The following SCN7A variants were observed in gnomAD, a reference collection of about 807,000 sequenced individuals.
The protein encoded by SCN7A is sodium voltage-gated channel alpha subunit 7, also known as sodium channel protein type 7 subunit alpha.
In SCN7A, 138 loss-of-function variants were observed where a neutral mutation model predicts 155.2. The ratio of observed to expected loss-of-function variants is 0.89; its 90% CI spans 0.77 to 1.02. SCN7A has a LOEUF of 1.02. Ranked by LOEUF, SCN7A falls within the 50% of genes least tolerant of loss-of-function variation. The pLI is 0.00. For missense variants in SCN7A, 2,058 were observed against 1,986.6 expected (o/e 1.04, Z -0.68); for synonymous variants, 693 against 649.0 (o/e 1.07, Z -1.03).
chr2:166,447,339 C>A (rs1291681308), intron 12 of SCN7A, among the ~76,000 whole-genome samples: 1 of 152,042 alleles, frequency 6.6e-6, no homozygotes, highest in East Asian at 1.9e-4. Context: ...ATGTTATATA[C>A]CACAATCTCT....
chr2:166,430,636 T>C (rs1428750878), intron 16 of SCN7A, among the ~76,000 whole-genome samples: 1 of 151,912 alleles, frequency 6.6e-6, no homozygotes, highest in Non-Finnish European at 1.5e-5. Context: ...TTTATTTTGA[T>C]AAAAGATTAT....
chr2:166,441,796 A>G (rs757547338), intron 14 of SCN7A, 44 bp from the exon 15 acceptor site: 3 of 1,481,452 alleles, frequency 2.0e-6, no homozygotes, highest in African/African-American at 1.4e-5. Context: ...CAAATGACAA[A>G]AAACTTGGTC....
chr2:166,492,965 T>C (rs1683147014), intron 1 of SCN7A, among the ~76,000 whole-genome samples: 1 of 152,216 alleles, frequency 6.6e-6, no homozygotes, highest in Non-Finnish European at 1.5e-5. Flanking sequence ...GACTTGTTCA[T>C]TGGACTTCCC....
chr2:166,428,053 C>T, intron 17 of SCN7A, 111 bp from the exon 18 acceptor site: 1 of 1,084,364 alleles, frequency 9.2e-7, no homozygotes, highest in Non-Finnish European at 1.3e-6. Flanking sequence ...AATTCTAATC[C>T]AGGTTGTCTC....
intron 18 of SCN7A, among the ~76,000 whole-genome samples, chr2:166,426,238 A>G (rs186844713): frequency 6.6e-6 from 1 of 152,268 alleles, no homozygotes; most frequent in East Asian, 1.9e-4. Flanking sequence ...AACAAAAGAT[A>G]CTAAAATAGG....
At chr2:166,483,423 C>T (rs114288236) in intron 2 of SCN7A, among the ~76,000 whole-genome samples, 6 of 151,756 alleles carry the variant, frequency 4.0e-5, no homozygotes, top group East Asian at 1.9e-4. Flanking sequence ...TATTTATTTG[C>T]GTAGTTTTGT....
intron 25 of SCN7A, among the ~76,000 whole-genome samples, chr2:166,406,937 GA>G (rs1328262608): frequency 6.6e-6 from 1 of 151,950 alleles, no homozygotes; most frequent in Non-Finnish European, 1.5e-5. Context: ...CAGATGACCT[GA>G]TTCTATAATG....
chr2:166,486,730 T>A (rs746558764), intron 2 of SCN7A, 126 bp downstream of exon 2: 1 of 152,226 alleles, frequency 6.6e-6, no homozygotes, highest in Non-Finnish European at 1.5e-5. Context: ...GGCTGATAGC[T>A]AAGCTTCACC....
intron 25 of SCN7A, among the ~76,000 whole-genome samples, chr2:166,407,281 T>G (rs988162562): frequency 5.4e-4 from 82 of 152,104 alleles, no homozygotes; most frequent in African/African-American, 2.0e-3. Context: ...TTTGTAGCTG[T>G]GGTAGTTAGA....
intron 17 of SCN7A, among the ~76,000 whole-genome samples, chr2:166,428,828 A>G (rs11903533): frequency 6.6e-6 from 1 of 152,074 alleles, no homozygotes; most frequent in Non-Finnish European, 1.5e-5. Flanking sequence ...AGAACAGAGC[A>G]CAATTTAGGA....
At chr2:166,450,959 T>C (rs943749846) in intron 11 of SCN7A, among the ~76,000 whole-genome samples, 5 of 152,208 alleles carry the variant, frequency 3.3e-5, no homozygotes, top group Non-Finnish European at 2.9e-5. Flanking sequence ...TTTTTTGTTA[T>C]TAAGATCCGA....
chr2:166,489,101 T>C (rs1479502014), intron 1 of SCN7A, among the ~76,000 whole-genome samples: 2 of 152,182 alleles, frequency 1.3e-5, no homozygotes, highest in East Asian at 1.9e-4. Context: ...AAGGGACTAA[T>C]AACAAAAATT....
At chr2:166,420,289 G>A (rs186921401) in intron 20 of SCN7A, among the ~76,000 whole-genome samples, 5 of 151,976 alleles carry the variant, frequency 3.3e-5, no homozygotes, top group African/African-American at 1.2e-4. Flanking sequence ...TAGGGATAAA[G>A]GTTAAACGTT....
Position 166,412,587 on chromosome 2 carries a change from G to A in SCN7A, c.3549C>T (p.Leu1183=), listed in dbSNP as rs1701225437. The change falls in exon 23 of 26, where the codon CTC becomes CTT. Residue 1183 remains leucine (L), a synonymous_variant. Transcript: ENST00000643258. ...TAACAGTAATCAGCATACTCAGAGG[G>A]AGAAATACTCCAAATATAATAAAGT... ...FINFIIFGVF[L]PLSMLITVII... 8 of 1,517,522 alleles carry A rather than the reference G, an allele frequency of 5.3e-6. No individual in the cohort carries two copies. The African/African-American group carries it at 8.4e-5, about 16-fold the overall frequency. The allele number at this position is 1,517,522 out of a possible 1,614,324, so 94.0% of individuals were successfully genotyped here. A position where few individuals can be genotyped will look rare whatever the true frequency, so the allele number is the denominator to read the frequency against.
In SCN7A at chr2:166,456,831, G is replaced by C. The variant is rs200027884; in HGVS notation, c.1290+39C>G. 201 of 759,246 alleles carry C rather than the reference G, an allele frequency of 2.6e-4. 2 individuals are homozygous for C. The Middle Eastern group carries it at 2.6e-3, about 10-fold the overall frequency. The allele number at this position is 759,246 out of a possible 1,614,324, so 47.0% of individuals were successfully genotyped here. A position where few individuals can be genotyped will look rare whatever the true frequency, so the allele number is the denominator to read the frequency against. Reference sequence around the variant, plus strand: ...ATATATATATATATATATATATATAGATAGATAGATAGATAGATAGATAGA... The same window carrying C: ...ATATATATATATATATATATATATACATAGATAGATAGATAGATAGATAGA... On this transcript the variant is annotated intron_variant, in intron 11 of 25. Transcript: ENST00000643258.
At chr2:166,431,712 T>A (rs1575020347) in intron 16 of SCN7A, among the ~76,000 whole-genome samples, 1 of 152,178 alleles carries the variant, frequency 6.6e-6, no homozygotes, top group Admixed American at 6.6e-5. Flanking sequence ...TTAAAGCCAG[T>A]GCGTTATAAA....
chr2:166,469,282 C>T (rs1036839734), intron 7 of SCN7A, among the ~76,000 whole-genome samples: 1 of 151,390 alleles, frequency 6.6e-6, no homozygotes, highest in Non-Finnish European at 1.5e-5. Flanking sequence ...TACTATTTTA[C>T]GGCTTCCATT....
chr2:166,429,156 A>G lies in SCN7A; in HGVS notation c.2698+13T>C, dbSNP rs1701681016. On this transcript the variant is annotated intron_variant, in intron 17 of 25. Transcript: ENST00000643258. ...AAATTAGTTTCCTAGCAAGATTAAC[A>G]AAATTTTCTTACCATTTTTCAGATG... 2.7e-6 allele frequency: 4 copies of G among 1,484,538 alleles called. No individual in the cohort carries two copies. The East Asian group carries it at 9.9e-5, about 37-fold the overall frequency. 92.0% of individuals were successfully genotyped at this position (1,484,538 alleles called of 1,614,324 possible).
intron 5 of SCN7A, among the ~76,000 whole-genome samples, 186 bp from the exon 6 acceptor site, chr2:166,472,631 C>T (rs1408831688): frequency 6.6e-6 from 1 of 151,858 alleles, no homozygotes; most frequent in Non-Finnish European, 1.5e-5. Context: ...AAAGCAAGTG[C>T]TCCTTGAGCC....
Sources: gnomAD v4.1 joint callset for allele counts (sites outside exome capture counted in the v4.1 genomes callset) on GRCh38, gnomAD v4.1.1 for gene constraint, MANE v1.5 for transcripts, NCBI Gene and HGNC (gene_info 2026-07-23, HGNC 2026-07-21) for gene names.